The following RASA3 variants were observed in gnomAD, a reference collection of about 807,000 sequenced individuals.
The protein encoded by RASA3 is ras GTPase-activating protein 3.
Under a neutral mutation model 110.0 loss-of-function variants are expected in RASA3, and 73 were observed. The observed-to-expected ratio is 0.66, with a 90% CI of 0.55 to 0.81. The LOEUF (loss-of-function observed/expected upper bound fraction) is 0.81. Among genes scored for constraint, RASA3 ranks in the 30% least tolerant of loss-of-function variants. The pLI, the probability that RASA3 is intolerant of heterozygous loss-of-function variation, is 0.00. For synonymous variants in RASA3, 500 were observed against 451.4 expected (o/e 1.11, Z -1.37); for missense variants, 976 against 1,113.2 (o/e 0.88, Z 1.75).
In RASA3 at chr13:113,996,720, G is replaced by A. The variant is rs750178304; in HGVS notation, c.1952C>T (p.Pro651Leu). 1 of 1,613,682 alleles carries A rather than the reference G, an allele frequency of 6.2e-7. No individual in the cohort carries two copies. Among genetic ancestry groups the A allele is most frequent in the Non-Finnish European group, 8.5e-7 (1 of 1,179,994 alleles). ...GGCCTGGATGTACAGCGCACGCTCT[G>A]GCTGGATGACCTGGAACATCTGAGG... ...KMKNMFQVIQ[P>L]ERALYIQANN... The change falls in exon 21 of 24, where the codon CCA (proline) becomes CTA (leucine). Residue 651 changes from proline (P) to leucine (L), a missense_variant. Physicochemically the swap from Pro to Leu is moderately conservative, Grantham distance 98. Around this residue, in one of 4 missense-constraint regions of RASA3, gnomAD observed 109 missense variants for 162.5 expected, o/e 0.67. Coordinates refer to ENST00000334062, the MANE Select transcript of RASA3 (RefSeq NM_007368.4).
rs140410329 is a variant in RASA3, at chr13:114,018,472, A to T, written c.943-220T>A. The stretch of plus-strand genomic sequence containing the variant: ...CCTCCTTCTAGCGACCCCCCCATGC[A>T]GCCAGCTCTAGGGCCCCTGAGCCGG... On this transcript the variant is annotated intron_variant, in intron 10 of 23. Transcript: ENST00000334062. Among the ~76,000 whole-genome samples, 252 of 152,292 alleles carry T rather than the reference A, an allele frequency of 1.7e-3. 1 individual carries two copies. Among genetic ancestry groups the T allele is most frequent in the Non-Finnish European group, 3.4e-3 (229 of 67,994 alleles).
intron 1 of RASA3, among the ~76,000 whole-genome samples, chr13:114,078,207 A>G (rs1207164012): frequency 2.0e-5 from 3 of 152,166 alleles, no homozygotes; most frequent in African/African-American, 7.2e-5. Context: ...GCTGAGCGGG[A>G]CGGGGGCTGC....
intron 14 of RASA3, among the ~76,000 whole-genome samples, chr13:114,013,626 C>A: frequency 6.9e-6 from 1 of 145,078 alleles, no homozygotes. Context: ...CTCCATCTGT[C>A]TCTCTCTCTC....
At chr13:114,050,121 C>A (rs1480193239) in intron 3 of RASA3, among the ~76,000 whole-genome samples, 1 of 152,240 alleles carries the variant, frequency 6.6e-6, no homozygotes, top group Non-Finnish European at 1.5e-5. Context: ...GGGAACCCTT[C>A]CGCAGCACCC....
intron 1 of RASA3, among the ~76,000 whole-genome samples, chr13:114,100,002 T>C (rs1444247157): frequency 8.0e-6 from 1 of 124,262 alleles, no homozygotes; most frequent in African/African-American, 3.2e-5. Context: ...TCCTTAACTC[T>C]AATGCTGTTT....
chr13:114,065,656 G>A lies in RASA3; in HGVS notation c.173+8064C>T, dbSNP rs1247670393. On this transcript the variant is annotated intron_variant, in intron 2 of 23. Transcript: ENST00000334062. The surrounding 1 kb of genome is among the most constrained non-coding windows in gnomAD (Gnocchi z 4.1). ...TGGCTCCCACAGACCGCAGGCTGGA[G>A]AATGGGGGTCCGCGGTCAGCTCATA... 2.0e-5 allele frequency among the ~76,000 whole-genome samples: 3 copies of A among 152,202 alleles called. No individual in the cohort carries two copies. Among genetic ancestry groups the A allele is most frequent in the Non-Finnish European group, 1.5e-5 (1 of 68,038 alleles).
chr13:113,995,942 C>T lies in RASA3; in HGVS notation c.2141+589G>A, dbSNP rs559315119. ...GGGGGGCCCGGCTAATGGGGGGGCC[C>T]GGCTAATGGGGGGCCCGGCTGATGG... On this transcript the variant is annotated intron_variant, in intron 21 of 23. Coordinates refer to ENST00000334062, the MANE Select transcript of RASA3 (RefSeq NM_007368.4). Among the ~76,000 whole-genome samples, 4 of 12,778 alleles carry T rather than the reference C, an allele frequency of 3.1e-4. 2 individuals are homozygous for T. Among genetic ancestry groups the T allele is most frequent in the Admixed American group, 1.4e-3 (2 of 1,382 alleles). The allele number at this position is 12,778 out of a possible 152,430, so 8.4% of individuals were successfully genotyped here.
intron 3 of RASA3, among the ~76,000 whole-genome samples, chr13:114,049,750 G>C (rs1273740404): frequency 6.6e-6 from 1 of 152,230 alleles, no homozygotes; most frequent in Non-Finnish European, 1.5e-5. Context: ...TTTCTTCTGA[G>C]AACACCCTTG....
At chr13:114,026,341 C>G (rs893510855) in intron 7 of RASA3, among the ~76,000 whole-genome samples, 4 of 152,240 alleles carry the variant, frequency 2.6e-5, no homozygotes, top group Non-Finnish European at 5.9e-5. Context: ...CCACCCTCCC[C>G]CTGGGAGCCT....
intron 3 of RASA3, among the ~76,000 whole-genome samples, chr13:114,046,129 G>A (rs1459205212): frequency 1.3e-5 from 2 of 152,170 alleles, no homozygotes; most frequent in Non-Finnish European, 2.9e-5. Flanking sequence ...ACAAGTTTAA[G>A]AACAAATTTG....
intron 7 of RASA3, among the ~76,000 whole-genome samples, chr13:114,024,806 C>G (rs1196600207): frequency 6.6e-6 from 1 of 152,242 alleles, no homozygotes; most frequent in Non-Finnish European, 1.5e-5. Context: ...GTCTGTGGAG[C>G]CTGAACCTGG....
intron 18 of RASA3, among the ~76,000 whole-genome samples, chr13:114,004,067 T>C (rs1307779634): frequency 6.6e-6 from 1 of 152,258 alleles, no homozygotes; most frequent in African/African-American, 2.4e-5. Flanking sequence ...TTGCAAATGT[T>C]ATTGGTTAAT....
At chr13:114,058,272 C>G (rs2079279049) in intron 2 of RASA3, among the ~76,000 whole-genome samples, 1 of 152,178 alleles carries the variant, frequency 6.6e-6, no homozygotes, top group African/African-American at 2.4e-5. Flanking sequence ...GCTCCAGGTG[C>G]TGCTGCTGCG....
intron 1 of RASA3, among the ~76,000 whole-genome samples, chr13:114,104,443 G>C (rs1008623044): frequency 6.6e-6 from 1 of 152,102 alleles, no homozygotes. Flanking sequence ...TCAGTCCACA[G>C]CCCATACCCC....
chr13:114,073,021 G>T (rs560333834), intron 2 of RASA3, among the ~76,000 whole-genome samples: 1 of 150,394 alleles, frequency 6.6e-6, no homozygotes, highest in African/African-American at 2.5e-5. Flanking sequence ...AAAATGGGAC[G>T]GTGATGTCCA....
intron 2 of RASA3, among the ~76,000 whole-genome samples, chr13:114,058,673 C>G (rs1003807807): frequency 6.6e-6 from 1 of 152,268 alleles, no homozygotes; most frequent in African/African-American, 2.4e-5. Context: ...CCAGGCCCTG[C>G]TCCTCGGAGG....
intron 2 of RASA3, among the ~76,000 whole-genome samples, chr13:114,067,792 G>A (rs1233681659): frequency 6.6e-6 from 1 of 152,116 alleles, no homozygotes; most frequent in Non-Finnish European, 1.5e-5. Flanking sequence ...GAGGGTCCCT[G>A]GTGATGTCTG....
At chr13:114,021,067 G>T (rs148418244) in intron 9 of RASA3, among the ~76,000 whole-genome samples, 1 of 152,150 alleles carries the variant, frequency 6.6e-6, no homozygotes. Context: ...TCGCGGCTCA[G>T]GGTCCCACTT....
chr13:114,125,463 C>T lies in RASA3; in HGVS notation c.55+6972G>A, dbSNP rs138462756. 3.8e-3 allele frequency among the ~76,000 whole-genome samples: 581 copies of T among 152,186 alleles called. 3 individuals are homozygous for T. The highest frequency in any genetic ancestry group is 0.013 in the African/African-American group (554 of 41,516). On this transcript the variant is annotated intron_variant, in intron 1 of 23. Transcript: ENST00000334062. The stretch of plus-strand genomic sequence containing the variant: ...AGAGCGCGAGGTGGGAGGTGTGCCA[C>T]CGGATCTCACGAGAACTCACTCACT...
Sources: allele counts gnomAD v4.1 joint callset (sites outside exome capture counted in the v4.1 genomes callset), GRCh38; gene constraint gnomAD v4.1.1; regional missense constraint gnomAD v4.1.1; non-coding constraint Gnocchi (gnomAD v3.1); transcripts MANE v1.5; gene names NCBI Gene and HGNC (gene_info 2026-07-23, HGNC 2026-07-21).